ANXA7: variants seen among roughly 807,000 people sequenced by gnomAD.
ANXA7 encodes annexin VII.
A neutral mutation model predicts 64.9 loss-of-function variants in ANXA7; 55 were observed. The ratio of observed to expected loss-of-function variants is 0.85; its 90% CI spans 0.68 to 1.06. The LOEUF is 1.06. Ranked by LOEUF, ANXA7 falls within the 50% of genes least tolerant of loss-of-function variation. ANXA7 has a pLI of 0.00. For missense variants in ANXA7, 548 were observed against 582.1 expected (o/e 0.94, Z 0.60); for synonymous variants, 200 against 192.4 (o/e 1.04, Z -0.33).
chr10:73,386,676 A>AT (rs927824471), intron 7 of ANXA7, among the ~76,000 whole-genome samples: 21 of 151,226 alleles, frequency 1.4e-4, no homozygotes, highest in African/African-American at 2.9e-4. Context: ...TTTCCATATT[A>AT]TTTTTTTTTG....
chr10:73,402,598 A>G (rs1255241834), intron 1 of ANXA7, among the ~76,000 whole-genome samples: 1 of 152,180 alleles, frequency 6.6e-6, no homozygotes, highest in Non-Finnish European at 1.5e-5. Flanking sequence ...TTTAAGGTTT[A>G]AAAAGTTTTT....
chr10:73,380,076 T>A lies in ANXA7; in HGVS notation c.1044A>T (p.Thr348=). The change falls in exon 10 of 13, where the codon ACA becomes ACT. Residue 348 remains threonine (T), a synonymous_variant. Transcript: ENST00000372921. ...TAGCTCTCAGCTGAGGAAAGCTTCT[T>A]GTGGCAAGGATCATGTTAAAGCAAG... The part of the protein sequence containing the change: ...DESCFNMILA[T]RSFPQLRATM... 1 of 1,614,178 alleles carries A rather than the reference T, an allele frequency of 6.2e-7. No individual in the cohort carries two copies. Among genetic ancestry groups the A allele is most frequent in the Non-Finnish European group, 8.5e-7 (1 of 1,180,022 alleles).
intron 1 of ANXA7, among the ~76,000 whole-genome samples, chr10:73,404,302 A>C (rs1405525096): frequency 1.3e-5 from 2 of 152,174 alleles, no homozygotes; most frequent in African/African-American, 4.8e-5. Flanking sequence ...TATCTTTTAA[A>C]AACTGCAGTC....
intron 1 of ANXA7, among the ~76,000 whole-genome samples, chr10:73,401,716 G>A (rs529178459): frequency 5.3e-5 from 8 of 152,132 alleles, no homozygotes; most frequent in Admixed American, 3.9e-4. Flanking sequence ...TGGCCAGGCC[G>A]GTCTTGAACG....
chr10:73,385,264 T>G (rs2055348173), intron 7 of ANXA7, among the ~76,000 whole-genome samples: 1 of 152,174 alleles, frequency 6.6e-6, no homozygotes, highest in Admixed American at 6.5e-5. Context: ...CACTGGAAAC[T>G]TTTCATGCAA....
At chr10:73,391,957 A>G (rs12573219) in intron 5 of ANXA7, among the ~76,000 whole-genome samples, 1 of 152,202 alleles carries the variant, frequency 6.6e-6, no homozygotes, top group African/African-American at 2.4e-5. Context: ...TGCATATGAG[A>G]CTAATAAAAA....
At chr10:73,400,909 G>A in intron 1 of ANXA7, 52 bp from the exon 2 acceptor site, 1 of 1,499,538 alleles carries the variant, frequency 6.7e-7, no homozygotes. Context: ...GTTTTGTTTT[G>A]TTTTGTTTTG....
At chr10:73,377,938 CGT>C (rs1221772635) in intron 12 of ANXA7, among the ~76,000 whole-genome samples, 13 of 145,294 alleles carry the variant, frequency 8.9e-5, no homozygotes, top group Admixed American at 1.3e-4. Context: ...TGTGCGCGCG[CGT>C]GTGTTTTTTG....
At chr10:73,388,734 G>A (rs761072262) in intron 5 of ANXA7, among the ~76,000 whole-genome samples, 1 of 152,148 alleles carries the variant, frequency 6.6e-6, no homozygotes, top group Non-Finnish European at 1.5e-5. Context: ...AAAGAAGACT[G>A]ATCCCTGAAT....
At chr10:73,388,679 G>T (rs919306159) in intron 5 of ANXA7, among the ~76,000 whole-genome samples, 1 of 152,146 alleles carries the variant, frequency 6.6e-6, no homozygotes, top group East Asian at 1.9e-4. Flanking sequence ...TGAAATTAAA[G>T]TCACAATCTT....
chr10:73,379,160 T>A (rs1025188413), intron 11 of ANXA7, 137 bp from the exon 12 acceptor site: 1 of 568,294 alleles, frequency 1.8e-6, no homozygotes, highest in Non-Finnish European at 2.9e-6. Context: ...GAGTTAAGAG[T>A]GTTCAGATGC....
chr10:73,380,088 C>T lies in ANXA7; in HGVS notation c.1032G>A (p.Met344Ile), dbSNP rs2055250552. ...GAGGAAAGCTTCTTGTGGCAAGGAT[C>T]ATGTTAAAGCAAGATTCATCGGTCC... ...RLGTDESCFN[M>I]ILATRSFPQL... The change falls in exon 10 of 13, where the codon ATG becomes ATA. Residue 344 changes from methionine (M) to isoleucine (I), a missense_variant. Met to Ile is a conservative substitution (Grantham distance 10). Transcript: ENST00000372921. 6.2e-7 allele frequency: 1 copy of T among 1,614,060 alleles called. No homozygotes were observed. The highest frequency in any genetic ancestry group is 8.5e-7 in the Non-Finnish European group (1 of 1,180,032).
chr10:73,382,649 A>C (rs2055293923), intron 9 of ANXA7, among the ~76,000 whole-genome samples: 1 of 152,170 alleles, frequency 6.6e-6, no homozygotes. Context: ...TCTGGCCCTA[A>C]GTGTGTTTCT....
chr10:73,401,970 G>A (rs2055673973), intron 1 of ANXA7, among the ~76,000 whole-genome samples: 2 of 152,040 alleles, frequency 1.3e-5, no homozygotes, highest in South Asian at 4.1e-4. Context: ...TTAAATATCA[G>A]CATACTTTTA....
chr10:73,404,976 C>T (rs1454281379), intron 1 of ANXA7, among the ~76,000 whole-genome samples: 2 of 151,316 alleles, frequency 1.3e-5, no homozygotes, highest in African/African-American at 2.4e-5. Context: ...GGGCCGGGCG[C>T]GGTGGCTCAC....
At chr10:73,404,327 TG>T (rs1285112042) in intron 1 of ANXA7, among the ~76,000 whole-genome samples, 1 of 152,228 alleles carries the variant, frequency 6.6e-6, no homozygotes, top group African/African-American at 2.4e-5. Context: ...CCAGAAAGTT[TG>T]AAAGTTATGT....
chr10:73,401,806 C>T (rs759426581), intron 1 of ANXA7, among the ~76,000 whole-genome samples: 1 of 141,420 alleles, frequency 7.1e-6, no homozygotes, highest in Non-Finnish European at 1.5e-5. Context: ...CCGGCCAAGG[C>T]TTCATCTTGG....
intron 9 of ANXA7, among the ~76,000 whole-genome samples, chr10:73,380,414 C>A (rs1423367745): frequency 6.6e-6 from 1 of 151,958 alleles, no homozygotes; most frequent in African/African-American, 2.4e-5. Flanking sequence ...GGACTACAGG[C>A]ACAAACGACC....
At chr10:73,387,058 T>C (rs2055385102) in intron 7 of ANXA7, among the ~76,000 whole-genome samples, 1 of 152,204 alleles carries the variant, frequency 6.6e-6, no homozygotes, top group East Asian at 1.9e-4. Flanking sequence ...ACAAGGGCTA[T>C]GTAATAAGCC....
Sources: allele counts gnomAD v4.1 joint callset (sites outside exome capture counted in the v4.1 genomes callset), GRCh38; gene constraint gnomAD v4.1.1; transcripts MANE v1.5; gene names NCBI Gene and HGNC (gene_info 2026-07-23, HGNC 2026-07-21).